Variants in BCAR1 observed in about 807,000 individuals in gnomAD.
The protein encoded by BCAR1 is BCAR1 scaffold protein, Cas family member, also known as breast cancer anti-estrogen resistance protein 1.
A neutral mutation model predicts 67.6 loss-of-function variants in BCAR1; 30 were observed. The observed-to-expected ratio is 0.44, with a 90% CI of 0.33 to 0.60. BCAR1 has a LOEUF of 0.60. BCAR1 is among the 20% of genes least tolerant of loss of function. The probability of loss-of-function intolerance (pLI) is 0.02; values close to 1 mark genes in which losing one functional copy is unlikely to be tolerated. For synonymous variants in BCAR1, 626 were observed against 556.7 expected (o/e 1.12, Z -1.75); for missense variants, 1,313 against 1,222.3 (o/e 1.07, Z -1.11).
chr16:75,253,155 G>A (rs1259921269), upstream of BCAR1, among the ~76,000 whole-genome samples: 3 of 152,098 alleles, frequency 2.0e-5, no homozygotes, highest in East Asian at 5.8e-4. Flanking sequence ...CAGGGAAGCT[G>A]CCTGGAGCAT....
intron 2 of BCAR1, among the ~76,000 whole-genome samples, chr16:75,241,191 T>C (rs1198613106): frequency 6.6e-6 from 1 of 151,968 alleles, no homozygotes; most frequent in Non-Finnish European, 1.5e-5. Flanking sequence ...ACATATGGGG[T>C]TTGGGTGTGT....
rs538440673 is a variant in BCAR1 at position 75,242,645 on chromosome 16, G to A, written c.458C>T (p.Pro153Leu). The A allele has an allele frequency of 2.6e-6, 4 of 1,523,136 alleles. No homozygotes were observed. The highest frequency in any genetic ancestry group is 2.6e-6 in the Non-Finnish European group (3 of 1,136,026). 94.4% of individuals were successfully genotyped at this position (1,523,136 alleles called of 1,614,324 possible). ...KQTSTFSKQT[P>L]HHPFPSPATD... is the part of the protein sequence containing the mutation. The stretch of plus-strand genomic sequence containing the variant: ...GGCCGGGCTGGGAAACGGGTGATGG[G>A]GTGTCTGCTTCGAGAAGGTGGATGT... The change falls in exon 2 of 7, where the codon CCC (proline) becomes CTC (leucine). Residue 153 changes from proline (P) to leucine (L), a missense_variant. Pro to Leu is a moderately conservative substitution (Grantham distance 98). Transcript: ENST00000162330.
chr16:75,237,269 G>A lies in BCAR1; in HGVS notation c.709C>T (p.Pro237Ser). The A allele has an allele frequency of 1.3e-6, 2 of 1,525,696 alleles. No individual in the cohort carries two copies. The allele number at this position is 1,525,696 out of a possible 1,614,324, so 94.5% of individuals were successfully genotyped here. The change falls in exon 3 of 7, where the codon CCG becomes TCG. Residue 237 changes from proline (P) to serine (S), a missense_variant. Pro to Ser is a moderately conservative substitution (Grantham distance 74, BLOSUM62 -1). Around this residue, in one of 2 missense-constraint regions of BCAR1, gnomAD observed 1,272 missense variants for 1,137.5 expected, o/e 1.12. Transcript: ENST00000162330. Reference sequence around the variant, plus strand: ...GGCCCCGGGGCCAGCAGGTGTCGCGGGATGTCGTACTCGTCCTGCTCCGGC... The same window carrying A: ...GGCCCCGGGGCCAGCAGGTGTCGCGAGATGTCGTACTCGTCCTGCTCCGGC... Reference protein sequence around the residue: ...AQPEQDEYDIPRHLLAPGPQD... With the variant: ...AQPEQDEYDISRHLLAPGPQD...
intron 4 of BCAR1, 28 bp from the exon 5 acceptor site, chr16:75,236,014 T>C (rs1350604280): frequency 1.3e-6 from 2 of 1,539,298 alleles, no homozygotes; most frequent in Admixed American, 3.9e-5. Flanking sequence ...GTCAAGACTG[T>C]CCATCTGTCC....
At chr16:75,246,826 T>G (rs144124548) in intron 1 of BCAR1, 1 of 152,360 alleles carries the variant, frequency 6.6e-6, no homozygotes, top group East Asian at 1.9e-4. Context: ...TTTCCTGGCC[T>G]CCCGCACTGC....
chr16:75,246,642 A>C (rs1288160460), intron 1 of BCAR1: 1 of 152,468 alleles, frequency 6.6e-6, no homozygotes. Context: ...TGCACAGCTC[A>C]GTGAACGTCA....
At chr16:75,255,401 C>T (rs1288971052), upstream of BCAR1, among the ~76,000 whole-genome samples, 1 of 152,196 alleles carries the variant, frequency 6.6e-6, no homozygotes, top group Non-Finnish European at 1.5e-5. Flanking sequence ...TGACACCATC[C>T]CCCTAGGCTG....
chr16:75,248,612 C>T (rs1014209179), intron 1 of BCAR1: 10 of 180,146 alleles, frequency 5.6e-5, no homozygotes, highest in South Asian at 2.6e-4. Flanking sequence ...AATACTCCCA[C>T]AACAACAGGG....
In BCAR1 at chr16:75,235,057, C is replaced by T. The variant is rs768493127; in HGVS notation, c.1842G>A (p.Gly614=). The T allele has an allele frequency of 1.2e-5, 20 of 1,613,006 alleles. No homozygotes were observed. The East Asian group carries it at 2.2e-4, about 18-fold the overall frequency. Residue 614 remains glycine (G), a synonymous_variant, in exon 5 of 7, where the codon GGG becomes GGA. Coordinates refer to ENST00000162330, the MANE Select transcript of BCAR1 (RefSeq NM_014567.5). ...LFRRTKATAP[G]PEGGGTLHPN... Reference sequence around the variant, plus strand: ...GGTGCAGGGTGCCACCCCCCTCAGGCCCCGGGGCAGTGGCCTTGGTCCGTC... The same window carrying T: ...GGTGCAGGGTGCCACCCCCCTCAGGTCCCGGGGCAGTGGCCTTGGTCCGTC...
At chr16:75,255,363 A>G (rs1173326367), upstream of BCAR1, among the ~76,000 whole-genome samples, 4 of 152,076 alleles carry the variant, frequency 2.6e-5, no homozygotes, top group African/African-American at 9.7e-5. Context: ...ACAGGAAGAA[A>G]CGGTATCTCT....
upstream of BCAR1, among the ~76,000 whole-genome samples, chr16:75,253,364 G>A (rs998880652): frequency 6.6e-6 from 1 of 152,230 alleles, no homozygotes; most frequent in African/African-American, 2.4e-5. Flanking sequence ...GGCAGGCAGT[G>A]CCCTGCTGGC....
At chr16:75,240,881 C>A (rs759828485) in intron 2 of BCAR1, among the ~76,000 whole-genome samples, 2 of 152,236 alleles carry the variant, frequency 1.3e-5, no homozygotes, top group East Asian at 3.9e-4. Context: ...AGGCCCCCTG[C>A]CGGAGACGGA....
rs965751694 is a variant in BCAR1 at position 75,238,909 on chromosome 16, G to C, written c.634-1565C>G. ...CCTCCCAAAGGCAGGTGGGGACCCA[G>C]CCTCAAGGCTCAGCCAGGACCCAGC... On this transcript the variant is annotated intron_variant, in intron 2 of 6. Coordinates refer to ENST00000162330, the MANE Select transcript of BCAR1 (RefSeq NM_014567.5). 46 of 985,290 alleles carry C rather than the reference G, an allele frequency of 4.7e-5. No individual in the cohort carries two copies. The Admixed American group carries it at 9.2e-4, about 20-fold the overall frequency. The allele number at this position is 985,290 out of a possible 1,614,324, so 61.0% of individuals were successfully genotyped here. A position where few individuals can be genotyped will look rare whatever the true frequency, so the allele number is the denominator to read the frequency against.
chr16:75,238,614 A>G (rs889514), intron 2 of BCAR1: 783,415 of 987,216 alleles, frequency 0.79, 311,499 homozygotes, highest in East Asian at 1. Flanking sequence ...GCGCAGCAGA[A>G]CTGGGCCCAC....
In BCAR1 at chr16:75,235,757, G is replaced by C. The variant is rs1203013523; in HGVS notation, c.1142C>G (p.Pro381Arg). ...CACATCGTACAGGGTGCCCGGGCCA[G>C]GCCGCCGCAAGCCAGGGGGCACGTC... Reference protein sequence around the residue: ...LYDVPPGLRRPGPGTLYDVPR... With the variant: ...LYDVPPGLRRRGPGTLYDVPR... Residue 381 changes from proline (P) to arginine (R), a missense_variant, in exon 5 of 7, where the codon CCT (proline) becomes CGT (arginine). Pro to Arg is a moderately radical substitution (Grantham distance 103). Transcript: ENST00000162330. 6.3e-7 allele frequency: 1 copy of C among 1,593,090 alleles called. No homozygotes were observed. Among genetic ancestry groups the C allele is most frequent in the Non-Finnish European group, 8.5e-7 (1 of 1,169,634 alleles).
intron 5 of BCAR1, among the ~76,000 whole-genome samples, chr16:75,234,164 GACACACACAC>G (rs60447098): frequency 3.2e-5 from 3 of 94,954 alleles, no homozygotes; most frequent in Non-Finnish European, 5.1e-5. Context: ...CAGGCAGACA[GACACACACAC>G]ACACACACAC....
intron 1 of BCAR1, 77 bp from the exon 2 acceptor site, chr16:75,243,167 T>G: frequency 1.4e-6 from 2 of 1,422,922 alleles, no homozygotes; most frequent in Non-Finnish European, 1.9e-6. Flanking sequence ...CCTGCCCTGC[T>G]CTGGGGAGGT....
At chr16:75,231,230 CT>C (rs2076889211) in intron 6 of BCAR1, among the ~76,000 whole-genome samples, 2 of 151,610 alleles carry the variant, frequency 1.3e-5, no homozygotes, top group Admixed American at 1.3e-4. Context: ...GATTACAGGC[CT>C]GCGCCACCAC....
chr16:75,265,797 C>T lies in BCAR1; in HGVS notation c.66+2118G>A, dbSNP rs983533760. Reference sequence around the variant, plus strand: ...CGCAGCCGGGCGGGGGACAGCCGGCCCGGGGTCCCGGGCGGCGCGGTACTC... The same window carrying T: ...CGCAGCCGGGCGGGGGACAGCCGGCTCGGGGTCCCGGGCGGCGCGGTACTC... On this transcript the variant is annotated intron_variant, in intron 1 of 6. Coordinates refer to the BCAR1 transcript ENST00000393422. 4.2e-6 allele frequency: 5 copies of T among 1,194,752 alleles called. No homozygotes were observed. The African/African-American group carries it at 4.8e-5, about 11-fold the overall frequency. The allele number at this position is 1,194,752 out of a possible 1,614,324, so 74.0% of individuals were successfully genotyped here. A position where few individuals can be genotyped will look rare whatever the true frequency, so the allele number is the denominator to read the frequency against.
Sources: gnomAD v4.1 joint callset for allele counts (sites outside exome capture counted in the v4.1 genomes callset) on GRCh38, gnomAD v4.1.1 for gene constraint, gnomAD v4.1.1 regional missense constraint, MANE v1.5 for transcripts, NCBI Gene and HGNC (gene_info 2026-07-23, HGNC 2026-07-21) for gene names.